The following SEMA3A variants were observed in gnomAD, a reference collection of about 807,000 sequenced individuals.
The protein encoded by SEMA3A is semaphorin 3A.
Under a neutral mutation model 97.9 loss-of-function variants are expected in SEMA3A, and 29 were observed. The ratio of observed to expected loss-of-function variants is 0.30; its 90% CI spans 0.22 to 0.40. The LOEUF (loss-of-function observed/expected upper bound fraction) is 0.40. Ranked by LOEUF, SEMA3A falls within the 10% of genes least tolerant of loss-of-function variation. The probability of loss-of-function intolerance (pLI) is 1.00; values close to 1 mark genes in which losing one functional copy is unlikely to be tolerated. For synonymous variants in SEMA3A, 321 were observed against 323.7 expected (o/e 0.99, Z 0.09); for missense variants, 763 against 951.3 (o/e 0.80, Z 2.60).
chr7:84,347,918 A>G (rs1243342599), intron 2 of SEMA3A, among the ~76,000 whole-genome samples: 1 of 152,154 alleles, frequency 6.6e-6, no homozygotes, highest in South Asian at 2.1e-4. Context: ...ACATGATTGT[A>G]TTGGCGCATA....
At chr7:84,339,836 T>C (rs899237478) in intron 2 of SEMA3A, among the ~76,000 whole-genome samples, 2 of 152,158 alleles carry the variant, frequency 1.3e-5, no homozygotes, top group Non-Finnish European at 2.9e-5. Context: ...TGATCATTCA[T>C]ACATATAGCA....
chr7:84,325,938 G>A (rs755633050), intron 2 of SEMA3A, among the ~76,000 whole-genome samples: 8 of 151,964 alleles, frequency 5.3e-5, no homozygotes, highest in Non-Finnish European at 1.0e-4. Context: ...AGTATCCACT[G>A]TTCTGCTCTC....
intron 1 of SEMA3A, among the ~76,000 whole-genome samples, chr7:84,456,881 T>C (rs1276589203): frequency 6.6e-6 from 1 of 151,764 alleles, no homozygotes; most frequent in Non-Finnish European, 1.5e-5. Flanking sequence ...TTTTCTTATA[T>C]CCACTATGAT....
chr7:83,985,805 G>C (rs997734311), intron 12 of SEMA3A, among the ~76,000 whole-genome samples: 1 of 152,198 alleles, frequency 6.6e-6, no homozygotes, highest in Admixed American at 6.5e-5. Flanking sequence ...TTTTGGACTT[G>C]TGTTAGGTGA....
chr7:84,074,782 GTTA>G (rs536596083), intron 4 of SEMA3A, among the ~76,000 whole-genome samples: 82 of 151,770 alleles, frequency 5.4e-4, no homozygotes, highest in Middle Eastern at 7.0e-3. Context: ...ACTAATTATT[GTTA>G]TTATGCTTAC....
At chr7:84,025,078 C>A (rs1282257316) in intron 6 of SEMA3A, among the ~76,000 whole-genome samples, 4 of 151,826 alleles carry the variant, frequency 2.6e-5, no homozygotes, top group Admixed American at 6.6e-5. Context: ...CAAAGCGAGA[C>A]TCTGTCTTTA....
chr7:84,244,201 C>G (rs1198423757), intron 3 of SEMA3A, among the ~76,000 whole-genome samples: 4 of 152,102 alleles, frequency 2.6e-5, no homozygotes, highest in Non-Finnish European at 5.9e-5. Context: ...GTTAAAGTCT[C>G]CCACTATTAT....
rs532737957 is a variant in SEMA3A, at chr7:84,423,765, A to G, written c.-245-51865T>C. Among the ~76,000 whole-genome samples the G allele has an allele frequency of 1.6e-4, 24 of 152,122 alleles. No individual in the cohort carries two copies. The South Asian group carries it at 1.7e-3, about 11-fold the overall frequency. On this transcript the variant is annotated intron_variant, in intron 1 of 3. Transcript: ENST00000424555. ...TTGCCAACTATACATCCAACGAAGGAATAACATCCAGAATCTACAAGAAAC... is the reference window on the plus strand; with the variant it reads ...TTGCCAACTATACATCCAACGAAGGGATAACATCCAGAATCTACAAGAAAC...
intron 3 of SEMA3A, among the ~76,000 whole-genome samples, chr7:84,119,116 A>C (rs1403117654): frequency 1.3e-5 from 2 of 152,114 alleles, no homozygotes; most frequent in African/African-American, 4.8e-5. Context: ...GTGCATATTA[A>C]ATTCTATAAT....
At chr7:84,155,138 G>A (rs983363651) in intron 1 of SEMA3A, among the ~76,000 whole-genome samples, 40 of 152,088 alleles carry the variant, frequency 2.6e-4, no homozygotes, top group African/African-American at 8.0e-4. Context: ...TTTCTCCTCA[G>A]GATATGAACC....
intron 3 of SEMA3A, among the ~76,000 whole-genome samples, chr7:84,248,812 T>G (rs898688039): frequency 6.8e-6 from 1 of 146,672 alleles, no homozygotes; most frequent in Non-Finnish European, 1.5e-5. Context: ...TAGGAGAGAC[T>G]ACAAAAACGT....
At chr7:83,967,767 C>CA (rs1198001859) in intron 15 of SEMA3A, among the ~76,000 whole-genome samples, 3 of 151,950 alleles carry the variant, frequency 2.0e-5, no homozygotes, top group African/African-American at 7.2e-5. Context: ...AACAAACAAA[C>CA]AAAAAACTAT....
chr7:84,312,910 A>G (rs1801371197), intron 2 of SEMA3A, among the ~76,000 whole-genome samples: 2 of 55,426 alleles, frequency 3.6e-5, no homozygotes, highest in Admixed American at 1.8e-4. Context: ...ATATATATAT[A>G]TATATATATA....
chr7:84,427,853 G>C lies in SEMA3A; in HGVS notation c.-245-55953C>G, dbSNP rs147114873. ...GATAGCAAGTACATAAAAAATCTGAGAAAAATACATAGGTGATAATTGCAG... is the reference window on the plus strand; with the variant it reads ...GATAGCAAGTACATAAAAAATCTGACAAAAATACATAGGTGATAATTGCAG... On this transcript the variant is annotated intron_variant, in intron 1 of 3. Coordinates refer to the SEMA3A transcript ENST00000424555. 2.9e-3 allele frequency among the ~76,000 whole-genome samples: 446 copies of C among 151,888 alleles called. 1 individual carries two copies. The highest frequency in any genetic ancestry group is 0.01 in the African/African-American group (428 of 41,430).
intron 3 of SEMA3A, among the ~76,000 whole-genome samples, chr7:84,300,349 A>G (rs1281373598): frequency 6.6e-6 from 1 of 152,112 alleles, no homozygotes; most frequent in Non-Finnish European, 1.5e-5. Context: ...TCAGGTGGAA[A>G]GCATGTACTT....
chr7:84,223,657 T>C (rs1584142103), intron 3 of SEMA3A, among the ~76,000 whole-genome samples: 1 of 151,780 alleles, frequency 6.6e-6, no homozygotes, highest in Non-Finnish European at 1.5e-5. Flanking sequence ...AAACAGGCTC[T>C]GAGGAGGAAT....
At chr7:84,473,393 T>TATC (rs200107187) in intron 1 of SEMA3A, among the ~76,000 whole-genome samples, 2,907 of 148,538 alleles carry the variant, frequency 0.02, 102 homozygotes, top group East Asian at 0.16. Flanking sequence ...ATTATTATAA[T>TATC]ATTATTATTA....
chr7:84,411,399 T>C lies in SEMA3A; in HGVS notation c.-245-39499A>G, dbSNP rs181184339. On this transcript the variant is annotated intron_variant, in intron 1 of 3. Transcript: ENST00000424555. ...TTATCTCTCAGGGATGCTAGAATGC[T>C]GGGTTTCCTTTGCTTACCATGAATT... 8.1e-4 allele frequency among the ~76,000 whole-genome samples: 124 copies of C among 152,264 alleles called. 1 individual carries two copies. The highest frequency in any genetic ancestry group is 2.8e-3 in the African/African-American group (117 of 41,568).
chr7:84,098,873 T>C (rs910348226), intron 4 of SEMA3A, among the ~76,000 whole-genome samples: 10 of 152,030 alleles, frequency 6.6e-5, no homozygotes, highest in African/African-American at 2.4e-4. Flanking sequence ...GTTTCCTCAA[T>C]TGAGAAACAG....
Sources: allele counts gnomAD v4.1 joint callset (sites outside exome capture counted in the v4.1 genomes callset), GRCh38; gene constraint gnomAD v4.1.1; transcripts MANE v1.5; gene names NCBI Gene and HGNC (gene_info 2026-07-23, HGNC 2026-07-21).